Variants in SLC15A5 observed in about 807,000 individuals in gnomAD.
SLC15A5 encodes the protein Peptide/histidine transporter ENSP00000340402.
A neutral mutation model predicts 56.1 loss-of-function variants in SLC15A5; 58 were observed. The ratio of observed to expected loss-of-function variants is 1.03; its 90% CI spans 0.84 to 1.29. The LOEUF is 1.29. Among genes scored for constraint, SLC15A5 ranks in the 50% most tolerant of loss-of-function variants. The probability of loss-of-function intolerance (pLI) is 0.00; values close to 1 mark genes in which losing one functional copy is unlikely to be tolerated. For missense variants in SLC15A5, 681 were observed against 672.1 expected (o/e 1.01, Z -0.15); for synonymous variants, 264 against 250.5 (o/e 1.05, Z -0.51).
intron 8 of SLC15A5, among the ~76,000 whole-genome samples, chr12:16,192,112 T>C (rs183852659): frequency 2.0e-5 from 3 of 152,080 alleles, no homozygotes; most frequent in East Asian, 1.9e-4. Flanking sequence ...CTTTGCACTT[T>C]AGTTTTTTGA....
chr12:16,260,096 G>A (rs1864628970), intron 2 of SLC15A5, among the ~76,000 whole-genome samples: 1 of 152,160 alleles, frequency 6.6e-6, no homozygotes, highest in African/African-American at 2.4e-5. Context: ...GGGAGGCAGT[G>A]TTTTTAATAG....
At chr12:16,223,119 T>A (rs1269034916) in intron 6 of SLC15A5, among the ~76,000 whole-genome samples, 4 of 151,622 alleles carry the variant, frequency 2.6e-5, no homozygotes, top group Non-Finnish European at 5.9e-5. Context: ...GTATCATAAG[T>A]ATGTGTGTGT....
intron 7 of SLC15A5, among the ~76,000 whole-genome samples, chr12:16,209,639 C>T (rs895102993): frequency 6.6e-6 from 1 of 152,136 alleles, no homozygotes; most frequent in African/African-American, 2.4e-5. Context: ...TCTTTGCCCA[C>T]CCAGTAGCTC....
chr12:16,210,288 G>C (rs6488824), intron 7 of SLC15A5, among the ~76,000 whole-genome samples: 13 of 151,894 alleles, frequency 8.6e-5, no homozygotes, highest in African/African-American at 2.9e-4. Context: ...TTTGCCATGC[G>C]TAGGAGGCTT....
intron 3 of SLC15A5, among the ~76,000 whole-genome samples, chr12:16,256,179 A>C (rs2136805101): frequency 6.6e-6 from 1 of 152,352 alleles, no homozygotes; most frequent in South Asian, 2.1e-4. Context: ...GGAAATAATT[A>C]AATGTTTATC....
At chr12:16,250,930 C>A (rs569359418) in intron 3 of SLC15A5, among the ~76,000 whole-genome samples, 2 of 151,922 alleles carry the variant, frequency 1.3e-5, no homozygotes, top group South Asian at 4.2e-4. Context: ...ATGGAAAACC[C>A]TGTGCATAAA....
chr12:16,217,057 T>C (rs1864136767), intron 6 of SLC15A5, 33 bp from the exon 7 acceptor site: 6 of 1,512,564 alleles, frequency 4.0e-6, no homozygotes, highest in South Asian at 1.3e-5. Context: ...AATTTAGAAC[T>C]TTCTCCTGAA....
At chr12:16,229,344 A>G (rs1864272377) in intron 5 of SLC15A5, among the ~76,000 whole-genome samples, 1 of 152,074 alleles carries the variant, frequency 6.6e-6, no homozygotes, top group Non-Finnish European at 1.5e-5. Flanking sequence ...TGAATATCTT[A>G]AACTCTTTCT....
At chr12:16,248,829 A>G (rs766778421) in intron 3 of SLC15A5, among the ~76,000 whole-genome samples, 5 of 152,110 alleles carry the variant, frequency 3.3e-5, no homozygotes, top group Non-Finnish European at 5.9e-5. Context: ...GAAGTTGACG[A>G]AAATACTGAA....
intron 2 of SLC15A5, among the ~76,000 whole-genome samples, chr12:16,270,025 C>T (rs1174262206): frequency 6.6e-6 from 1 of 152,136 alleles, no homozygotes; most frequent in Non-Finnish European, 1.5e-5. Context: ...TGGATAATGA[C>T]ACAAGGATGT....
At chr12:16,205,606 CACACATATATAT>C (rs1864011184) in intron 7 of SLC15A5, among the ~76,000 whole-genome samples, 3 of 109,500 alleles carry the variant, frequency 2.7e-5, no homozygotes, top group Non-Finnish European at 5.9e-5. Context: ...TACACACACA[CACACATATATAT>C]ACACATATAT....
rs867457923 is a variant in SLC15A5, at chr12:16,193,806, A to C, written c.1592+539T>G. Among the ~76,000 whole-genome samples the C allele has an allele frequency of 8.9e-4, 70 of 78,834 alleles. 1 individual carries two copies. The highest frequency in any genetic ancestry group is 2.5e-3 in the Admixed American group (21 of 8,566). 51.7% of individuals were successfully genotyped at this position (78,834 alleles called of 152,430 possible). Reference sequence around the variant, plus strand: ...GAGAGAGAGAGAGAGAGAGAGAGAGAGAGAGAGAGAGAGAGAGAGAGAGAG... The same window carrying C: ...GAGAGAGAGAGAGAGAGAGAGAGAGCGAGAGAGAGAGAGAGAGAGAGAGAG... On this transcript the variant is annotated intron_variant, in intron 8 of 8. Transcript: ENST00000344941.
intron 6 of SLC15A5, among the ~76,000 whole-genome samples, chr12:16,217,907 A>C (rs1401440540): frequency 2.0e-5 from 3 of 152,126 alleles, no homozygotes; most frequent in Non-Finnish European, 4.4e-5. Context: ...CCACGAAAAA[A>C]ATTTTTTTAA....
At chr12:16,264,966 A>T (rs1046285490) in intron 2 of SLC15A5, among the ~76,000 whole-genome samples, 7 of 152,196 alleles carry the variant, frequency 4.6e-5, no homozygotes, top group African/African-American at 1.4e-4. Flanking sequence ...TTAAGGGATG[A>T]AATATTAGAA....
At chr12:16,191,326 T>C (rs1232760577) in intron 8 of SLC15A5, among the ~76,000 whole-genome samples, 1 of 152,000 alleles carries the variant, frequency 6.6e-6, no homozygotes, top group Non-Finnish European at 1.5e-5. Flanking sequence ...TGTGGGGGTG[T>C]CTAGGGTGCT....
intron 6 of SLC15A5, among the ~76,000 whole-genome samples, chr12:16,221,030 A>G (rs989117846): frequency 1.3e-5 from 2 of 151,942 alleles, no homozygotes; most frequent in Non-Finnish European, 2.9e-5. Context: ...AGGGTAGGCT[A>G]TGTCTACTGT....
intron 7 of SLC15A5, among the ~76,000 whole-genome samples, chr12:16,208,552 T>C (rs1042678299): frequency 6.6e-6 from 1 of 151,942 alleles, no homozygotes; most frequent in Non-Finnish European, 1.5e-5. Flanking sequence ...GTGCCTACGG[T>C]CCTACTCCGG....
intron 8 of SLC15A5, among the ~76,000 whole-genome samples, chr12:16,190,736 C>T (rs962190673): frequency 1.3e-5 from 2 of 152,036 alleles, no homozygotes; most frequent in Non-Finnish European, 2.9e-5. Context: ...CAGTACATTA[C>T]TAAAAATAAC....
chr12:16,216,769 T>C (rs1864133255), intron 7 of SLC15A5, 124 bp downstream of exon 7: 1 of 806,842 alleles, frequency 1.2e-6, no homozygotes, highest in African/African-American at 1.7e-5. Context: ...AATTCTATCT[T>C]AATTGCAAAA....
Sources: gnomAD v4.1 joint callset for allele counts (sites outside exome capture counted in the v4.1 genomes callset) on GRCh38, gnomAD v4.1.1 for gene constraint, MANE v1.5 for transcripts, NCBI Gene and HGNC (gene_info 2026-07-23, HGNC 2026-07-21) for gene names.